SLC9A9: variants seen among roughly 807,000 people sequenced by gnomAD.
SLC9A9 encodes the protein solute carrier family 9 member A9.
SLC9A9 carries 62 observed loss-of-function variants against 77.8 expected under a neutral mutation model. The observed-to-expected ratio is 0.80, with a 90% CI of 0.65 to 0.98. The LOEUF is 0.98. Ranked by LOEUF, SLC9A9 falls within the 50% of genes least tolerant of loss-of-function variation. The pLI, the probability that SLC9A9 is intolerant of heterozygous loss-of-function variation, is 0.00. For synonymous variants in SLC9A9, 320 were observed against 283.5 expected, an observed-to-expected ratio of 1.13 and a Z score of -1.29; for missense variants, 775 against 774.9, an observed-to-expected ratio of 1.00 and a Z score of 0.00.
intron 12 of SLC9A9, among the ~76,000 whole-genome samples, chr3:143,452,502 CTA>C (rs1491111893): frequency 2.2e-5 from 1 of 44,852 alleles, no homozygotes; most frequent in East Asian, 1.8e-3. Context: ...ATTAAAAAGA[CTA>C]AAAAAAAAAA....
intron 4 of SLC9A9, among the ~76,000 whole-genome samples, chr3:143,741,313 A>G (rs1328169170): frequency 1.3e-5 from 2 of 152,226 alleles, no homozygotes; most frequent in Non-Finnish European, 2.9e-5. Flanking sequence ...GGGCACAGAA[A>G]CCAATAGAAG....
intron 14 of SLC9A9, chr3:143,313,457 C>G (rs529771778): frequency 1.3e-5 from 2 of 152,378 alleles, no homozygotes; most frequent in South Asian, 4.1e-4. Context: ...ATCTAAGTTA[C>G]AGCCCTGCTC....
At chr3:143,756,378 T>C (rs544488294) in intron 4 of SLC9A9, among the ~76,000 whole-genome samples, 1 of 152,294 alleles carries the variant, frequency 6.6e-6, no homozygotes, top group South Asian at 2.1e-4. Flanking sequence ...CCTACCAGTA[T>C]CATTTCCACA....
intron 2 of SLC9A9, among the ~76,000 whole-genome samples, chr3:143,828,884 A>G (rs2009367744): frequency 6.6e-6 from 1 of 152,224 alleles, no homozygotes; most frequent in South Asian, 2.1e-4. Flanking sequence ...AACTCGAAGT[A>G]GGACTAAAAT....
At chr3:143,404,965 G>C (rs563192535) in intron 12 of SLC9A9, among the ~76,000 whole-genome samples, 1 of 152,324 alleles carries the variant, frequency 6.6e-6, no homozygotes, top group South Asian at 2.1e-4. Context: ...TCTTAAGTCA[G>C]AAAGTCTTTT....
At chr3:143,566,772 G>C (rs2037176404) in intron 8 of SLC9A9, among the ~76,000 whole-genome samples, 1 of 152,034 alleles carries the variant, frequency 6.6e-6, no homozygotes, top group Non-Finnish European at 1.5e-5. Flanking sequence ...ATTAGACATG[G>C]TGTCAATGTT....
intron 4 of SLC9A9, among the ~76,000 whole-genome samples, chr3:143,693,823 C>T (rs1017472632): frequency 2.0e-5 from 3 of 152,104 alleles, no homozygotes; most frequent in African/African-American, 7.2e-5. Context: ...AGGACACTTC[C>T]ACACTGGGTA....
intron 1 of SLC9A9, among the ~76,000 whole-genome samples, chr3:143,838,647 A>G (rs933400443): frequency 3.9e-5 from 6 of 152,210 alleles, no homozygotes; most frequent in African/African-American, 1.4e-4. Flanking sequence ...AGGAATTCCA[A>G]GATGAAAGGA....
chr3:143,749,530 C>T (rs986925657), intron 4 of SLC9A9, among the ~76,000 whole-genome samples: 5 of 152,330 alleles, frequency 3.3e-5, no homozygotes, highest in South Asian at 2.1e-4. Flanking sequence ...TAAGGACTAA[C>T]GCTGAATGCT....
At chr3:143,735,847 G>T (rs188916521) in intron 4 of SLC9A9, among the ~76,000 whole-genome samples, 1 of 152,198 alleles carries the variant, frequency 6.6e-6, no homozygotes, top group Non-Finnish European at 1.5e-5. Context: ...TTGCTACCAT[G>T]TGACATTGAG....
At chr3:143,501,749 A>G (rs1645621673) in intron 9 of SLC9A9, among the ~76,000 whole-genome samples, 1 of 150,988 alleles carries the variant, frequency 6.6e-6, no homozygotes, top group Non-Finnish European at 1.5e-5. Flanking sequence ...TCACGTAACA[A>G]CATTTCTTTG....
rs538806272 is a variant in SLC9A9, at chr3:143,741,522, G to C, written c.534-48215C>G. ...ATGTTTCTTAAATGCAGATACTCCA[G>C]AAGGTTAAGTAGGGGAATGTAACTT... On this transcript the variant is annotated intron_variant, in intron 4 of 15. Coordinates refer to ENST00000316549, the MANE Select transcript of SLC9A9 (RefSeq NM_173653.4). Among the ~76,000 whole-genome samples, 3 of 152,292 alleles carry C rather than the reference G, an allele frequency of 2.0e-5. No individual in the cohort carries two copies. The South Asian group carries it at 6.2e-4, about 32-fold the overall frequency.
chr3:143,334,995 A>G (rs2031881307), intron 14 of SLC9A9, among the ~76,000 whole-genome samples: 1 of 152,190 alleles, frequency 6.6e-6, no homozygotes, highest in Admixed American at 6.5e-5. Flanking sequence ...ATTGGAAAGG[A>G]AGAAGTACAA....
At chr3:143,571,589 G>A (rs775676484) in intron 8 of SLC9A9, among the ~76,000 whole-genome samples, 3 of 150,756 alleles carry the variant, frequency 2.0e-5, no homozygotes, top group Admixed American at 6.6e-5. Context: ...TAAAATTTTA[G>A]TATGAAAAAT....
intron 12 of SLC9A9, among the ~76,000 whole-genome samples, chr3:143,419,328 G>T (rs1411679254): frequency 6.6e-6 from 1 of 152,172 alleles, no homozygotes; most frequent in Non-Finnish European, 1.5e-5. Context: ...TAAGTAACTT[G>T]CAAGAGGTCA....
intron 6 of SLC9A9, among the ~76,000 whole-genome samples, chr3:143,629,518 T>C (rs1364694777): frequency 6.6e-6 from 1 of 152,128 alleles, no homozygotes; most frequent in Non-Finnish European, 1.5e-5. Flanking sequence ...CTGGGTGTCC[T>C]ACATCTTTAT....
At chr3:143,562,064 T>C (rs1452623132) in intron 8 of SLC9A9, among the ~76,000 whole-genome samples, 1 of 152,168 alleles carries the variant, frequency 6.6e-6, no homozygotes, top group Non-Finnish European at 1.5e-5. Flanking sequence ...TATCTGGTAT[T>C]TACTCACTCA....
intron 12 of SLC9A9, among the ~76,000 whole-genome samples, chr3:143,411,893 G>A (rs1180298231): frequency 6.6e-6 from 1 of 152,128 alleles, no homozygotes; most frequent in Middle Eastern, 3.2e-3. Flanking sequence ...CAGGAGGTAT[G>A]CCGGTAACTA....
At chr3:143,821,988 T>C (rs1196245440) in intron 2 of SLC9A9, among the ~76,000 whole-genome samples, 1 of 152,200 alleles carries the variant, frequency 6.6e-6, no homozygotes. Context: ...GCAAGCGCTG[T>C]CAGTCCCTTT....
Sources: allele counts gnomAD v4.1 joint callset (sites outside exome capture counted in the v4.1 genomes callset), GRCh38; gene constraint gnomAD v4.1.1; transcripts MANE v1.5; gene names NCBI Gene and HGNC (gene_info 2026-07-23, HGNC 2026-07-21).